Variants in MACROD2 observed in about 807,000 individuals in gnomAD.
MACROD2 encodes the protein mono-ADP ribosylhydrolase 2.
In MACROD2, 36 loss-of-function variants were observed where a neutral mutation model predicts 70.4. The ratio of observed to expected loss-of-function variants is 0.51; its 90% CI spans 0.39 to 0.68. MACROD2 has a LOEUF of 0.68. Ranked by LOEUF, MACROD2 falls within the 30% of genes least tolerant of loss-of-function variation. MACROD2 has a pLI of 0.00. For missense variants in MACROD2, 496 were observed against 538.4 expected (o/e 0.92, Z 0.78); for synonymous variants, 172 against 178.8 (o/e 0.96, Z 0.30).
intron 2 of MACROD2, among the ~76,000 whole-genome samples, chr20:14,071,894 A>T (rs754911247): frequency 6.6e-6 from 1 of 152,152 alleles, no homozygotes; most frequent in Non-Finnish European, 1.5e-5. Context: ...ACTTAGTGAA[A>T]CTTTGTCTCT....
At chr20:14,272,348 T>C (rs941924643) in intron 3 of MACROD2, among the ~76,000 whole-genome samples, 5 of 151,978 alleles carry the variant, frequency 3.3e-5, no homozygotes, top group African/African-American at 1.2e-4. Context: ...TTCAACATTC[T>C]TAAAGAAAAG....
At chr20:15,462,268 G>T (rs2046829734) in intron 7 of MACROD2, among the ~76,000 whole-genome samples, 1 of 152,146 alleles carries the variant, frequency 6.6e-6, no homozygotes, top group Non-Finnish European at 1.5e-5. Flanking sequence ...CTTGCATATG[G>T]ACAGTATACA....
chr20:15,065,187 AAC>A (rs1189407388), intron 5 of MACROD2, among the ~76,000 whole-genome samples: 5 of 152,200 alleles, frequency 3.3e-5, no homozygotes, highest in Non-Finnish European at 7.3e-5. Flanking sequence ...ATGGGAAAAT[AAC>A]ACAATATCTG....
chr20:14,658,814 G>C (rs1004344429), intron 4 of MACROD2, among the ~76,000 whole-genome samples: 4 of 152,124 alleles, frequency 2.6e-5, no homozygotes, highest in Non-Finnish European at 4.4e-5. Context: ...GTCTTTCACC[G>C]TGTTGCCCCG....
chr20:15,311,889 A>G (rs2077756920), intron 6 of MACROD2, among the ~76,000 whole-genome samples: 1 of 152,182 alleles, frequency 6.6e-6, no homozygotes, highest in African/African-American at 2.4e-5. Context: ...GTCATGCAAT[A>G]TACTCAGGCA....
At chr20:15,336,044 G>C (rs1038682296) in intron 6 of MACROD2, among the ~76,000 whole-genome samples, 17 of 151,586 alleles carry the variant, frequency 1.1e-4, no homozygotes, top group Admixed American at 2.6e-4. Flanking sequence ...CACCAATAGG[G>C]TTGAAAATAC....
At chr20:15,980,518 C>T (rs984957016) in intron 13 of MACROD2, among the ~76,000 whole-genome samples, 3 of 152,130 alleles carry the variant, frequency 2.0e-5, no homozygotes, top group Non-Finnish European at 2.9e-5. Flanking sequence ...TAAAGAAGCA[C>T]AGGTAGCAAA....
chr20:15,876,563 G>T (rs190967652), intron 9 of MACROD2, among the ~76,000 whole-genome samples: 25 of 152,092 alleles, frequency 1.6e-4, no homozygotes, highest in African/African-American at 5.1e-4. Flanking sequence ...GAGTAGTGCC[G>T]CAATAAACAT....
At chr20:14,298,263 G>A (rs551366051) in intron 3 of MACROD2, among the ~76,000 whole-genome samples, 69 of 151,774 alleles carry the variant, frequency 4.5e-4, no homozygotes, top group Admixed American at 1.8e-3. Flanking sequence ...TCTAGTCTTC[G>A]TATATAAGAA....
At position 14,002,413 on chromosome 20, in the gene MACROD2, C is replaced by T. The variant is rs2052744510; in HGVS notation, c.163+9C>T. 6.5e-7 allele frequency: 1 copy of T among 1,541,704 alleles called. No individual in the cohort carries two copies. Among genetic ancestry groups the T allele is most frequent in the Admixed American group, 1.9e-5 (1 of 51,712 alleles). ...CAAGGGCCAAAATGATGGTAAGTTT[C>T]TCGGAACATTTTTTAGGTAGATATT... On this transcript the variant is annotated intron_variant, in intron 2 of 17. Transcript: ENST00000684519.
intron 8 of MACROD2, among the ~76,000 whole-genome samples, chr20:15,575,834 C>T (rs887497426): frequency 1.3e-5 from 2 of 152,154 alleles, no homozygotes; most frequent in Non-Finnish European, 2.9e-5. Context: ...CCCCGTGTCT[C>T]TTTCCGGCCA....
Position 13,995,681 on chromosome 20 carries a change from C to A in MACROD2, c.-83C>A. On this transcript the variant is annotated 5_prime_UTR_variant, in exon 1 of 18. Transcript: ENST00000684519. This position sits in a 1 kb window ranked among gnomAD's most constrained non-coding sequence, Gnocchi z 4.3. ...CTTTTTCCCTGCTGAGTGCCCCCTC[C>A]CACCCCTCCCACTCCACACACACCC... 2.1e-6 allele frequency: 2 copies of A among 950,202 alleles called. No individual in the cohort carries two copies. The highest frequency in any genetic ancestry group is 2.6e-5 in the South Asian group (2 of 75,788). The allele number at this position is 950,202 out of a possible 1,614,324, so 58.9% of individuals were successfully genotyped here.
intron 5 of MACROD2, among the ~76,000 whole-genome samples, chr20:14,714,190 G>A (rs2071370520): frequency 6.6e-6 from 1 of 152,112 alleles, no homozygotes; most frequent in South Asian, 2.1e-4. Context: ...AGTCAGTATT[G>A]CACTTTGAGA....
rs1316302093 is a variant in MACROD2 at position 15,785,147 on chromosome 20, G to C, written c.646-77598G>C. On this transcript the variant is annotated intron_variant, in intron 8 of 17. Transcript: ENST00000684519. Reference sequence around the variant, plus strand: ...AGCCTGGGTGACAGAGCGAGACTCCGTCTCAAAAAAAAAAAAAAAAAAAAT... The same window carrying C: ...AGCCTGGGTGACAGAGCGAGACTCCCTCTCAAAAAAAAAAAAAAAAAAAAT... Among the ~76,000 whole-genome samples the C allele has an allele frequency of 5.8e-4, 67 of 115,230 alleles. 1 individual carries two copies. In the East Asian group the frequency reaches 0.012, roughly 20 times the overall value. The allele number at this position is 115,230 out of a possible 152,430, so 75.6% of individuals were successfully genotyped here.
At chr20:15,499,924 A>T in intron 8 of MACROD2, 77 bp downstream of exon 8, 2 of 1,378,080 alleles carry the variant, frequency 1.5e-6, no homozygotes, top group Non-Finnish European at 2.1e-6. Context: ...AAAGCACATA[A>T]ATTTTATAAA....
At chr20:15,031,661 G>C (rs1426658270) in intron 5 of MACROD2, among the ~76,000 whole-genome samples, 2 of 152,172 alleles carry the variant, frequency 1.3e-5, no homozygotes, top group African/African-American at 4.8e-5. Flanking sequence ...GCAGCTGTTA[G>C]TACCGTCTGT....
At chr20:14,363,816 C>CAAAAAAAAAAAAAAAAAAAAAAA (rs569929488) in intron 3 of MACROD2, among the ~76,000 whole-genome samples, 1 of 71,560 alleles carries the variant, frequency 1.4e-5, no homozygotes, top group African/African-American at 6.2e-5. Context: ...GACTCTGTCT[C>CAAAAAAAAAAAAAAAAAAAAAAA]AAAAAAAAAA....
rs1177498607 is a variant in MACROD2, at chr20:15,234,012, C to CTTT, written c.540+3986_540+3988dup. The stretch of plus-strand genomic sequence containing the variant: ...ATATATATATATATATATATATATT[C>CTTT]TTTTTTTTTTTTTTTTTTTTTTTTT... On this transcript the variant is annotated intron_variant, in intron 6 of 17. Transcript: ENST00000684519. Among the ~76,000 whole-genome samples the CTTT allele has an allele frequency of 1.0e-4, 3 of 29,182 alleles. 1 individual carries two copies. The highest frequency in any genetic ancestry group is 1.7e-4 in the Non-Finnish European group (3 of 17,364). The allele number at this position is 29,182 out of a possible 152,430, so 19.1% of individuals were successfully genotyped here.
intron 5 of MACROD2, among the ~76,000 whole-genome samples, chr20:15,184,238 G>A (rs1178761546): frequency 6.6e-6 from 1 of 152,168 alleles, no homozygotes; most frequent in Non-Finnish European, 1.5e-5. Context: ...CTAAAAGTAA[G>A]CTAAGAGAAC....
Sources: allele counts gnomAD v4.1 joint callset (sites outside exome capture counted in the v4.1 genomes callset), GRCh38; gene constraint gnomAD v4.1.1; non-coding constraint Gnocchi (gnomAD v3.1); transcripts MANE v1.5; gene names NCBI Gene and HGNC (gene_info 2026-07-23, HGNC 2026-07-21).